The following CERS5 variants were observed in gnomAD, a reference collection of about 807,000 sequenced individuals.
CERS5 encodes LAG1 homolog, ceramide synthase 5.
CERS5 carries 37 observed loss-of-function variants against 58.9 expected under a neutral mutation model. The ratio of observed to expected loss-of-function variants is 0.63; its 90% CI spans 0.48 to 0.83. The LOEUF (loss-of-function observed/expected upper bound fraction) is 0.83. CERS5 is among the 40% of genes least tolerant of loss of function. The pLI is 0.00. For missense variants in CERS5, 398 were observed against 489.3 expected, an observed-to-expected ratio of 0.81 and a Z score of 1.76; for synonymous variants, 147 against 177.8, an observed-to-expected ratio of 0.83 and a Z score of 1.38.
Position 50,137,833 on chromosome 12 carries a change from A to T in CERS5, c.544-13T>A, listed in dbSNP as rs1471530267. The T allele has an allele frequency of 6.4e-7, 1 of 1,551,376 alleles. No homozygotes were observed. Among genetic ancestry groups the T allele is most frequent in the Non-Finnish European group, 8.9e-7 (1 of 1,124,820 alleles). ...CACTTGAAAGAGGCTGGAAGAGAGA[A>T]AGAAGTAGTTAGATTACCGGCTAGT... On this transcript the variant is annotated splice_polypyrimidine_tract_variant and intron_variant, in intron 5 of 9. Coordinates refer to ENST00000317551, the MANE Select transcript of CERS5 (RefSeq NM_147190.5).
intron 8 of CERS5, 168 bp from the exon 9 acceptor site, chr12:50,134,870 C>T: frequency 1.6e-6 from 1 of 614,412 alleles, no homozygotes; most frequent in Middle Eastern, 4.3e-4. Context: ...AGGGAGGAGC[C>T]TGTTGTGTTT....
At chr12:50,161,992 A>G (rs1420561596) in intron 1 of CERS5, among the ~76,000 whole-genome samples, 1 of 145,290 alleles carries the variant, frequency 6.9e-6, no homozygotes, top group Non-Finnish European at 1.5e-5. Flanking sequence ...CTCCTGCCTC[A>G]GCCTCCCAAG....
At position 50,129,333 on chromosome 12, in the gene CERS5, T is replaced by G. The variant is rs1016803794; in HGVS notation, c.*1212A>C. The G allele has an allele frequency of 1.3e-5, 2 of 152,204 alleles. No homozygotes were observed. The highest frequency in any genetic ancestry group is 6.5e-5 in the Admixed American group (1 of 15,274). 9.4% of individuals were successfully genotyped at this position (152,204 alleles called of 1,614,324 possible). A position where few individuals can be genotyped will look rare whatever the true frequency, so the allele number is the denominator to read the frequency against. ...TTGTTTTATCCAATTGCATCTTTTG[T>G]CAGATTAGCTACACCAACCAATCCA... On this transcript the variant is annotated 3_prime_UTR_variant, in exon 10 of 10. Coordinates refer to ENST00000317551, the MANE Select transcript of CERS5 (RefSeq NM_147190.5).
At chr12:50,144,081 CCAA>C (rs2138103498) in intron 1 of CERS5, 24 bp from the exon 2 acceptor site, 2 of 1,402,038 alleles carry the variant, frequency 1.4e-6, no homozygotes, top group East Asian at 4.6e-5. Context: ...AACCCACGGG[CCAA>C]TTCTTTTTAA....
At chr12:50,163,646 T>A (rs1487159567) in intron 1 of CERS5, among the ~76,000 whole-genome samples, 1 of 152,134 alleles carries the variant, frequency 6.6e-6, no homozygotes, top group East Asian at 1.9e-4. Context: ...TACAAAAATT[T>A]ATTTTATTTA....
rs761611864 is a variant in CERS5, at chr12:50,143,935, T to C, written c.303+17A>G. ...CGCCTTATGTGAATATTCCTCTCTG[T>C]TTCTTTGCCCACTTACCTTGGTAAT... On this transcript the variant is annotated intron_variant, in intron 2 of 9. Transcript: ENST00000317551. 6.8e-7 allele frequency: 1 copy of C among 1,481,024 alleles called. No homozygotes were observed. Among genetic ancestry groups the C allele is most frequent in the Non-Finnish European group, 9.4e-7 (1 of 1,059,310 alleles). 91.7% of individuals were successfully genotyped at this position (1,481,024 alleles called of 1,614,324 possible).
intron 4 of CERS5, among the ~76,000 whole-genome samples, chr12:50,140,367 T>C (rs1259077151): frequency 7.3e-6 from 1 of 136,190 alleles, no homozygotes; most frequent in African/African-American, 2.8e-5. Flanking sequence ...CATTGCAACC[T>C]CTGCCTCCAA....
At chr12:50,143,690 T>C (rs1952104320) in intron 2 of CERS5, 1 of 390,352 alleles carries the variant, frequency 2.6e-6, no homozygotes, top group South Asian at 4.5e-5. Context: ...AAACCAGATA[T>C]GGTATGTGTC....
At chr12:50,133,627 T>G (rs760866106) in intron 9 of CERS5, 1 of 985,360 alleles carries the variant, frequency 1.0e-6, no homozygotes, top group South Asian at 4.7e-5. Context: ...AAGAAAAATA[T>G]GAAATCCACT....
chr12:50,149,930 A>G (rs1937760292), intron 1 of CERS5, among the ~76,000 whole-genome samples: 1 of 151,980 alleles, frequency 6.6e-6, no homozygotes, highest in Non-Finnish European at 1.5e-5. Context: ...TTTAGTAGAG[A>G]CGGGGTTTCA....
In CERS5 at chr12:50,137,859, C is replaced by T; in HGVS notation, c.544-39G>A. On this transcript the variant is annotated intron_variant, in intron 5 of 9. Coordinates refer to ENST00000317551, the MANE Select transcript of CERS5 (RefSeq NM_147190.5). Reference sequence around the variant, plus strand: ...AGAAGTAGTTAGATTACCGGCTAGTCAAAGGTGCATTCCATCTCTCCAACT... The same window carrying T: ...AGAAGTAGTTAGATTACCGGCTAGTTAAAGGTGCATTCCATCTCTCCAACT... 3.0e-6 allele frequency: 4 copies of T among 1,343,968 alleles called. No homozygotes were observed. The South Asian group carries it at 4.8e-5, about 16-fold the overall frequency. 83.3% of individuals were successfully genotyped at this position (1,343,968 alleles called of 1,614,324 possible).
chr12:50,143,805 G>A, intron 2 of CERS5, 147 bp downstream of exon 2: 1 of 584,780 alleles, frequency 1.7e-6, no homozygotes, highest in Non-Finnish European at 3.1e-6. Context: ...AGGGGATAAA[G>A]CTCTCCATAT....
chr12:50,161,784 GA>G lies in CERS5; in HGVS notation c.197+5316del, dbSNP rs374177550. ...AGAGTGAGACTCCGTCTCAAAAAAA[GA>G]AAAAAAAAAAAAAAAGCAAAGTTCA... On this transcript the variant is annotated intron_variant, in intron 1 of 9. Transcript: ENST00000317551. Among the ~76,000 whole-genome samples, 104 of 90,870 alleles carry G rather than the reference GA, an allele frequency of 1.1e-3. 1 individual carries two copies. The highest frequency in any genetic ancestry group is 4.0e-3 in the South Asian group (10 of 2,510). 59.6% of individuals were successfully genotyped at this position (90,870 alleles called of 152,430 possible).
At chr12:50,133,392 T>G (rs1281354987) in intron 9 of CERS5, 1 of 1,056,416 alleles carries the variant, frequency 9.5e-7, no homozygotes, top group Admixed American at 4.6e-5. Flanking sequence ...GATGGGTATT[T>G]GAAACACTAC....
At chr12:50,153,932 C>T (rs925166648) in intron 1 of CERS5, 31 of 347,802 alleles carry the variant, frequency 8.9e-5, no homozygotes, top group East Asian at 1.2e-4. Context: ...CCAGCCTGGG[C>T]GACAAGAGCA....
chr12:50,141,998 A>G (rs1479477876), intron 4 of CERS5, 55 bp downstream of exon 4: 3 of 1,042,908 alleles, frequency 2.9e-6, no homozygotes, highest in South Asian at 1.4e-5. Context: ...TCTTACTTCT[A>G]GAGATCTAGG....
At chr12:50,138,124 A>G (rs1050754881) in intron 5 of CERS5, among the ~76,000 whole-genome samples, 2 of 152,182 alleles carry the variant, frequency 1.3e-5, no homozygotes, top group Non-Finnish European at 2.9e-5. Flanking sequence ...TTTTCACAGG[A>G]TTAAATACAC....
intron 1 of CERS5, among the ~76,000 whole-genome samples, chr12:50,156,976 G>A (rs954429356): frequency 6.6e-6 from 1 of 152,204 alleles, no homozygotes; most frequent in Non-Finnish European, 1.5e-5. Context: ...GTCTGTGAGG[G>A]TGTTGCCAAA....
chr12:50,162,702 CA>C (rs1435905720), intron 1 of CERS5, among the ~76,000 whole-genome samples: 2 of 151,798 alleles, frequency 1.3e-5, no homozygotes, highest in Non-Finnish European at 2.9e-5. Context: ...CTCCCGGGTT[CA>C]AGAGATTCTC....
Sources: gnomAD v4.1 joint callset for allele counts (sites outside exome capture counted in the v4.1 genomes callset) on GRCh38, gnomAD v4.1.1 for gene constraint, MANE v1.5 for transcripts, NCBI Gene and HGNC (gene_info 2026-07-23, HGNC 2026-07-21) for gene names.